Variants in DOCK3 observed in about 807,000 individuals in gnomAD.
The protein encoded by DOCK3 is dedicator of cytokinesis 3, also known as dedicator of cytokinesis protein 3.
In DOCK3, 60 loss-of-function variants were observed where a neutral mutation model predicts 265.6. That is an observed-to-expected ratio of 0.23 (90% CI 0.18 to 0.28). The LOEUF (loss-of-function observed/expected upper bound fraction) is 0.28. Ranked by LOEUF, DOCK3 falls within the 10% of genes least tolerant of loss-of-function variation. The pLI, the probability that DOCK3 is intolerant of heterozygous loss-of-function variation, is 1.00. For missense variants in DOCK3, 1,981 were observed against 2,594.3 expected (o/e 0.76, Z 5.14); for synonymous variants, 881 against 938.0 (o/e 0.94, Z 1.11).
intron 12 of DOCK3, among the ~76,000 whole-genome samples, chr3:51,197,603 G>A (rs1471457215): frequency 1.3e-5 from 2 of 152,202 alleles, no homozygotes; most frequent in Admixed American, 6.5e-5. Flanking sequence ...ACCCTGGTCT[G>A]TGTTCTCTGT....
intron 9 of DOCK3, among the ~76,000 whole-genome samples, chr3:51,091,098 T>G (rs2082619992): frequency 6.6e-6 from 1 of 152,222 alleles, no homozygotes; most frequent in African/African-American, 2.4e-5. Context: ...GATGCACCCA[T>G]TGATCAGGAC....
At chr3:51,265,167 C>T (rs1341225645) in intron 23 of DOCK3, among the ~76,000 whole-genome samples, 4 of 152,148 alleles carry the variant, frequency 2.6e-5, no homozygotes, top group Admixed American at 1.3e-4. Flanking sequence ...AGTTGAACCC[C>T]TGAATAGACC....
chr3:50,777,308 A>C (rs2041662956), intron 1 of DOCK3, among the ~76,000 whole-genome samples: 1 of 151,908 alleles, frequency 6.6e-6, no homozygotes, highest in African/African-American at 2.4e-5. Flanking sequence ...TTTTTATTCC[A>C]GTATCATGCT....
intron 27 of DOCK3, among the ~76,000 whole-genome samples, chr3:51,292,120 C>G (rs773333119): frequency 6.6e-6 from 1 of 152,048 alleles, no homozygotes; most frequent in African/African-American, 2.4e-5. Flanking sequence ...ATATGATAAG[C>G]CCATAGTTAA....
At chr3:51,096,629 T>C (rs571294251) in intron 9 of DOCK3, among the ~76,000 whole-genome samples, 1 of 152,368 alleles carries the variant, frequency 6.6e-6, no homozygotes, top group East Asian at 1.9e-4. Context: ...ACCCACCTTC[T>C]GAAGCCTACT....
chr3:51,290,100 G>A (rs1441153819), intron 27 of DOCK3, among the ~76,000 whole-genome samples: 1 of 152,166 alleles, frequency 6.6e-6, no homozygotes, highest in East Asian at 1.9e-4. Context: ...CTGTAAACTG[G>A]TTCAACCATT....
intron 4 of DOCK3, among the ~76,000 whole-genome samples, chr3:50,898,858 C>G (rs1260322209): frequency 6.6e-6 from 1 of 152,026 alleles, no homozygotes; most frequent in African/African-American, 2.4e-5. Flanking sequence ...GTTATGATTT[C>G]CGTTCTTTTG....
At chr3:51,064,395 A>C in intron 5 of DOCK3, 53 bp from the exon 6 acceptor site, 1 of 1,597,782 alleles carries the variant, frequency 6.3e-7, no homozygotes, top group Non-Finnish European at 8.5e-7. Context: ...TTTTCTTTTC[A>C]TTCCTTTTCC....
At chr3:50,986,176 A>G (rs2077893202) in intron 5 of DOCK3, among the ~76,000 whole-genome samples, 1 of 152,180 alleles carries the variant, frequency 6.6e-6, no homozygotes, top group Non-Finnish European at 1.5e-5. Context: ...ACCCAAGAAT[A>G]CAAGATAAAT....
At chr3:51,322,293 C>G (rs1488529985) in intron 32 of DOCK3, among the ~76,000 whole-genome samples, 1 of 152,140 alleles carries the variant, frequency 6.6e-6, no homozygotes, top group East Asian at 1.9e-4. Context: ...AGTTCTGCCT[C>G]CTGGGTTCAT....
intron 2 of DOCK3, among the ~76,000 whole-genome samples, chr3:50,824,256 A>G (rs141654095): frequency 2.0e-5 from 3 of 152,306 alleles, no homozygotes; most frequent in African/African-American, 7.2e-5. Context: ...GTAACTTTTA[A>G]CTATAGTTCT....
intron 27 of DOCK3, among the ~76,000 whole-genome samples, chr3:51,297,117 CAAAA>C (rs71633066): frequency 6.1e-5 from 4 of 65,904 alleles, no homozygotes; most frequent in East Asian, 1.1e-3. Context: ...GACTCTGTCT[CAAAA>C]AAAAAAAAAA....
At chr3:51,034,507 A>G (rs1204223515) in intron 5 of DOCK3, among the ~76,000 whole-genome samples, 1 of 152,112 alleles carries the variant, frequency 6.6e-6, no homozygotes, top group Non-Finnish European at 1.5e-5. Context: ...TACAACTGTG[A>G]TGAGTATATT....
At chr3:50,842,881 T>C (rs2045906441) in intron 3 of DOCK3, among the ~76,000 whole-genome samples, 1 of 152,228 alleles carries the variant, frequency 6.6e-6, no homozygotes. Flanking sequence ...ATCTTATAAA[T>C]GAATAGTTGT....
intron 22 of DOCK3, 107 bp downstream of exon 22, chr3:51,246,914 C>T: frequency 9.0e-7 from 1 of 1,107,122 alleles, no homozygotes; most frequent in Non-Finnish European, 1.3e-6. Context: ...CAGTACCTGG[C>T]CTGCTTTCAG....
chr3:50,895,589 A>G (rs1022403442), intron 4 of DOCK3, among the ~76,000 whole-genome samples: 1 of 150,994 alleles, frequency 6.6e-6, no homozygotes, highest in Non-Finnish European at 1.5e-5. Context: ...ATAGGTATAC[A>G]TGTGCCATGG....
intron 14 of DOCK3, among the ~76,000 whole-genome samples, chr3:51,216,704 A>G (rs1377365767): frequency 6.6e-6 from 1 of 152,184 alleles, no homozygotes; most frequent in African/African-American, 2.4e-5. Context: ...GTAGGTTTGC[A>G]GTCCCTGGGC....
chr3:50,796,402 A>G (rs1220761910), intron 2 of DOCK3, among the ~76,000 whole-genome samples: 1 of 130,006 alleles, frequency 7.7e-6, no homozygotes, highest in East Asian at 2.4e-4. Context: ...GCAATGGTGC[A>G]ATCTTGGCTC....
At chr3:51,102,289 T>A (rs1560064948) in intron 9 of DOCK3, among the ~76,000 whole-genome samples, 1 of 152,238 alleles carries the variant, frequency 6.6e-6, no homozygotes, top group Non-Finnish European at 1.5e-5. Flanking sequence ...AGATCAGGAT[T>A]TATTAAAGAT....
Sources: allele counts gnomAD v4.1 joint callset (sites outside exome capture counted in the v4.1 genomes callset), GRCh38; gene constraint gnomAD v4.1.1; transcripts MANE v1.5; gene names NCBI Gene and HGNC (gene_info 2026-07-23, HGNC 2026-07-21).